TRPC7: variants seen among roughly 807,000 people sequenced by gnomAD.
TRPC7 encodes short transient receptor potential channel 7.
Under a neutral mutation model 90.1 loss-of-function variants are expected in TRPC7, and 42 were observed. The ratio of observed to expected loss-of-function variants is 0.47; its 90% confidence interval spans 0.36 to 0.60. The LOEUF is 0.60. TRPC7 is among the 20% of genes least tolerant of loss of function. The probability of loss-of-function intolerance (pLI) is 0.00; values close to 1 mark genes in which losing one functional copy is unlikely to be tolerated. For synonymous variants in TRPC7, 451 were observed against 436.3 expected, an observed-to-expected ratio of 1.03 and a Z score of -0.42; for missense variants, 955 against 1,112.3, an observed-to-expected ratio of 0.86 and a Z score of 2.01.
intron 5 of TRPC7, among the ~76,000 whole-genome samples, chr5:136,263,815 A>G (rs991427869): frequency 2.0e-5 from 3 of 152,210 alleles, no homozygotes; most frequent in East Asian, 1.9e-4. Flanking sequence ...TAAATTTACA[A>G]TAGCTGGGGT....
intron 3 of TRPC7, among the ~76,000 whole-genome samples, chr5:136,294,280 C>T (rs145469426): frequency 0.64 from 97,373 of 151,984 alleles, 31,991 homozygotes; most frequent in African/African-American, 0.8. Context: ...AAAGCCAAAA[C>T]TGACAAATAG....
At chr5:136,336,902 A>G (rs1759683406) in intron 2 of TRPC7, among the ~76,000 whole-genome samples, 2 of 152,190 alleles carry the variant, frequency 1.3e-5, no homozygotes, top group Admixed American at 1.3e-4. Context: ...GCCTTTATTC[A>G]TCAGAAAGAT....
At chr5:136,327,174 A>C (rs747630478) in intron 2 of TRPC7, among the ~76,000 whole-genome samples, 4 of 152,234 alleles carry the variant, frequency 2.6e-5, no homozygotes, top group Non-Finnish European at 5.9e-5. Context: ...TGAGGTGCCA[A>C]GAATTTAAAC....
Position 136,365,342 on chromosome 5 carries a change from G to C in TRPC7, c.-88C>G. The C allele has an allele frequency of 7.3e-7, 1 of 1,366,986 alleles. No homozygotes were observed. The highest frequency in any genetic ancestry group is 1.0e-6 in the Non-Finnish European group (1 of 991,800). 84.7% of individuals were successfully genotyped at this position (1,366,986 alleles called of 1,614,324 possible). A position where few individuals can be genotyped will look rare whatever the true frequency, so the allele number is the denominator to read the frequency against. On this transcript the variant is annotated 5_prime_UTR_variant, in exon 1 of 12. Coordinates refer to ENST00000513104, the MANE Select transcript of TRPC7 (RefSeq NM_020389.3). ...AGAAGCTGGCTCCCCATGGGTGGTA[G>C]CCAAGGATGTACCGCTCTCCGTGGT... is the stretch of plus-strand genomic sequence containing the variant.
At chr5:136,328,847 GATTT>G (rs1759417935) in intron 2 of TRPC7, among the ~76,000 whole-genome samples, 1 of 152,218 alleles carries the variant, frequency 6.6e-6, no homozygotes, top group Admixed American at 6.5e-5. Flanking sequence ...CTCCTCATTG[GATTT>G]ATTTCCAGAG....
At chr5:136,265,468 T>A (rs1430556704) in intron 5 of TRPC7, among the ~76,000 whole-genome samples, 1 of 151,970 alleles carries the variant, frequency 6.6e-6, no homozygotes, top group Non-Finnish European at 1.5e-5. Flanking sequence ...TAAGACTGAT[T>A]TTTTTTTAAC....
chr5:136,365,499 G>C lies in TRPC7; in HGVS notation c.-245C>G. On this transcript the variant is annotated 5_prime_UTR_variant, in exon 1 of 12. Coordinates refer to ENST00000513104, the MANE Select transcript of TRPC7 (RefSeq NM_020389.3). ...GTGTTACCGTCCTTTTCCTAATCGG[G>C]GGGAAATTTCCCAGAGAACATGACG... is the stretch of plus-strand genomic sequence containing the variant. 1 of 567,934 alleles carries C rather than the reference G, an allele frequency of 1.8e-6. No individual in the cohort carries two copies. 35.2% of individuals were successfully genotyped at this position (567,934 alleles called of 1,614,324 possible).
At chr5:136,314,811 G>T (rs1472512437) in intron 3 of TRPC7, among the ~76,000 whole-genome samples, 1 of 152,194 alleles carries the variant, frequency 6.6e-6, no homozygotes, top group Admixed American at 6.5e-5. Flanking sequence ...CTTTGCTTAT[G>T]TGGAAAGCAC....
intron 2 of TRPC7, among the ~76,000 whole-genome samples, chr5:136,337,827 G>A (rs531019913): frequency 3.9e-5 from 6 of 152,202 alleles, no homozygotes; most frequent in Admixed American, 3.9e-4. Flanking sequence ...CCAGCATTCC[G>A]AAATGAGATG....
chr5:136,337,146 C>T (rs1759691445), intron 2 of TRPC7, among the ~76,000 whole-genome samples: 4 of 152,146 alleles, frequency 2.6e-5, no homozygotes. Context: ...CTATTTGGTT[C>T]CCTTACGTAA....
chr5:136,357,759 C>T (rs909979989), intron 1 of TRPC7, among the ~76,000 whole-genome samples: 4 of 152,158 alleles, frequency 2.6e-5, no homozygotes, highest in African/African-American at 4.8e-5. Flanking sequence ...GAGAGAGCCA[C>T]TAAACCCCTC....
intron 3 of TRPC7, among the ~76,000 whole-genome samples, chr5:136,312,718 C>G (rs1758873782): frequency 6.6e-6 from 1 of 152,148 alleles, no homozygotes; most frequent in African/African-American, 2.4e-5. Context: ...TGCTGTGACT[C>G]AGCCAGCCAG....
At chr5:136,227,763 T>G (rs1755675996) in intron 8 of TRPC7, among the ~76,000 whole-genome samples, 2 of 152,236 alleles carry the variant, frequency 1.3e-5, no homozygotes, top group African/African-American at 4.8e-5. Context: ...TTACTAGCTA[T>G]GCAACCATGG....
intron 3 of TRPC7, among the ~76,000 whole-genome samples, chr5:136,291,940 G>A (rs925572851): frequency 3.3e-5 from 5 of 152,068 alleles, no homozygotes; most frequent in African/African-American, 1.2e-4. Context: ...ATAACAAACT[G>A]TCTCTCAGAC....
chr5:136,226,291 G>A, intron 8 of TRPC7, 36 bp from the exon 9 acceptor site: 2 of 1,494,022 alleles, frequency 1.3e-6, no homozygotes, highest in South Asian at 1.2e-5. Context: ...CACCCTCAAA[G>A]GCCACGATTT....
At position 136,303,081 on chromosome 5, in the gene TRPC7, T is replaced by C. The variant is rs190983551; in HGVS notation, c.963+12516A>G. ...CGGTCTGGCTTACAGTTTCATTCCG[T>C]GACTAGCCCTCCCCCACCTGCCCAG... On this transcript the variant is annotated intron_variant, in intron 3 of 11. Coordinates refer to ENST00000513104, the MANE Select transcript of TRPC7 (RefSeq NM_020389.3). Among the ~76,000 whole-genome samples, 516 of 152,258 alleles carry C rather than the reference T, an allele frequency of 3.4e-3. 1 individual carries two copies. Among genetic ancestry groups the C allele is most frequent in the African/African-American group, 0.011 (475 of 41,542 alleles).
In TRPC7 at chr5:136,304,970, T is replaced by C. The variant is rs369384741; in HGVS notation, c.963+10627A>G. Among the ~76,000 whole-genome samples the C allele has an allele frequency of 3.3e-5, 5 of 152,252 alleles. No individual in the cohort carries two copies. In the East Asian group the frequency reaches 9.6e-4, roughly 29 times the overall value. ...CATGTCTGCGTACAGCAGCTGCCGC[T>C]GCTTTAATACTTTTAGAGGCCCTAA... On this transcript the variant is annotated intron_variant, in intron 3 of 11. Coordinates refer to ENST00000513104, the MANE Select transcript of TRPC7 (RefSeq NM_020389.3).
intron 3 of TRPC7, among the ~76,000 whole-genome samples, chr5:136,283,307 C>A (rs1217864233): frequency 1.3e-5 from 2 of 152,232 alleles, no homozygotes; most frequent in Non-Finnish European, 2.9e-5. Flanking sequence ...TCCTATCTCA[C>A]TTGCTCTCCG....
At chr5:136,272,327 C>T (rs921839543) in intron 4 of TRPC7, among the ~76,000 whole-genome samples, 3 of 152,206 alleles carry the variant, frequency 2.0e-5, no homozygotes, top group Non-Finnish European at 4.4e-5. Flanking sequence ...GCATCAGGAA[C>T]CCTTAGAGGG....
Sources: allele counts gnomAD v4.1 joint callset (sites outside exome capture counted in the v4.1 genomes callset), GRCh38; gene constraint gnomAD v4.1.1; transcripts MANE v1.5; gene names NCBI Gene and HGNC (gene_info 2026-07-23, HGNC 2026-07-21).